Variants in MORN1 observed in about 807,000 individuals in gnomAD.
MORN1 encodes MORN repeat containing 1.
A neutral mutation model predicts 61.9 loss-of-function variants in MORN1; 67 were observed. The ratio of observed to expected loss-of-function variants is 1.08; its 90% CI spans 0.89 to 1.33. The LOEUF is 1.33. Among genes scored for constraint, MORN1 ranks in the 40% most tolerant of loss-of-function variants. The probability of loss-of-function intolerance (pLI) is 0.00; values close to 1 mark genes in which losing one functional copy is unlikely to be tolerated. For synonymous variants in MORN1, 301 were observed against 292.0 expected (o/e 1.03, Z -0.31); for missense variants, 752 against 691.2 (o/e 1.09, Z -0.99).
At chr1:2,354,494 G>A (rs1467204053) in intron 10 of MORN1, among the ~76,000 whole-genome samples, 2 of 152,162 alleles carry the variant, frequency 1.3e-5, no homozygotes, top group African/African-American at 4.8e-5. Flanking sequence ...CTGAGCCCGG[G>A]AGGTGGAGGC....
intron 13 of MORN1, 89 bp downstream of exon 13, chr1:2,324,007 TC>T: frequency 6.7e-7 from 1 of 1,482,298 alleles, no homozygotes; most frequent in South Asian, 1.3e-5. Flanking sequence ...CGGGCCGAGT[TC>T]CCCCAACCCC....
intron 10 of MORN1, among the ~76,000 whole-genome samples, chr1:2,343,074 C>A (rs1301468868): frequency 6.6e-6 from 1 of 151,998 alleles, no homozygotes; most frequent in Admixed American, 6.6e-5. Context: ...GCGCTTGACC[C>A]TAAGCCTCCA....
intron 8 of MORN1, among the ~76,000 whole-genome samples, chr1:2,370,243 C>T (rs546104032): frequency 9.3e-4 from 141 of 152,174 alleles, no homozygotes; most frequent in Non-Finnish European, 1.5e-3. Context: ...AACTCAACGG[C>T]AAAAGGACGG....
chr1:2,332,556 G>A (rs1260191201), intron 12 of MORN1: 1 of 455,704 alleles, frequency 2.2e-6, no homozygotes, highest in Non-Finnish European at 4.4e-6. Context: ...TGGGGGAATG[G>A]GCAGTGCTGT....
chr1:2,385,628 G>A (rs943227104), intron 5 of MORN1, 179 bp downstream of exon 5: 14 of 530,160 alleles, frequency 2.6e-5, no homozygotes, highest in South Asian at 7.2e-5. Flanking sequence ...GAATAACACC[G>A]AAACCACAGA....
chr1:2,344,718 G>A (rs1641471568), intron 10 of MORN1, among the ~76,000 whole-genome samples: 1 of 152,208 alleles, frequency 6.6e-6, no homozygotes, highest in Admixed American at 6.5e-5. Flanking sequence ...AAGGGAAAGG[G>A]GGAGCGCTGT....
intron 7 of MORN1, among the ~76,000 whole-genome samples, chr1:2,373,106 G>A (rs926160361): frequency 1.6e-4 from 24 of 152,162 alleles, no homozygotes; most frequent in African/African-American, 5.3e-4. Flanking sequence ...GGGTGGTGTC[G>A]TCACACCGCA....
At chr1:2,342,591 G>A (rs1641418718) in intron 10 of MORN1, among the ~76,000 whole-genome samples, 1 of 152,030 alleles carries the variant, frequency 6.6e-6, no homozygotes, top group Non-Finnish European at 1.5e-5. Flanking sequence ...AGACACATGG[G>A]GGGCCTCTCG....
chr1:2,323,363 C>G lies in MORN1; in HGVS notation c.1297+734G>C, dbSNP rs756218681. 2.9e-5 allele frequency: 29 copies of G among 985,448 alleles called. No individual in the cohort carries two copies. The African/African-American group carries it at 4.2e-4, about 14-fold the overall frequency. The allele number at this position is 985,448 out of a possible 1,614,324, so 61.0% of individuals were successfully genotyped here. A position where few individuals can be genotyped will look rare whatever the true frequency, so the allele number is the denominator to read the frequency against. On this transcript the variant is annotated intron_variant, in intron 13 of 13. Transcript: ENST00000378531. ...TGAGCAGCGGGTCCAGACCTTCCAG[C>G]CTTTGGCTCTCCAGCCAGAACCCCA...
At chr1:2,348,790 C>T (rs113055934) in intron 10 of MORN1, among the ~76,000 whole-genome samples, 4 of 141,446 alleles carry the variant, frequency 2.8e-5, no homozygotes, top group Admixed American at 6.9e-5. Flanking sequence ...CACACACGCA[C>T]GCACACGCAC....
At chr1:2,374,057 C>G (rs1241486189) in intron 7 of MORN1, among the ~76,000 whole-genome samples, 1 of 152,198 alleles carries the variant, frequency 6.6e-6, no homozygotes, top group Non-Finnish European at 1.5e-5. Flanking sequence ...CACCCAGAGG[C>G]CACCAGGAAC....
chr1:2,324,147 T>C lies in MORN1; in HGVS notation c.1251-4A>G, dbSNP rs1447064899. The C allele has an allele frequency of 6.3e-7, 1 of 1,596,578 alleles. No homozygotes were observed. On this transcript the variant is annotated splice_region_variant and splice_polypyrimidine_tract_variant and intron_variant, in intron 12 of 13. Coordinates refer to ENST00000378531, the MANE Select transcript of MORN1 (RefSeq NM_024848.3). ...CTCCGTGGCTCTCCCCTCAGGCCTG[T>C]GGAGACGACACAGTGAGGCCCCTGA... is the stretch of plus-strand genomic sequence containing the variant.
At chr1:2,363,921 A>G (rs1341703585) in intron 8 of MORN1, among the ~76,000 whole-genome samples, 1 of 151,974 alleles carries the variant, frequency 6.6e-6, no homozygotes, top group East Asian at 1.9e-4. Context: ...GCTGGGGCAA[A>G]TTAAAAAATA....
At chr1:2,335,308 TA>T (rs1404123412) in intron 12 of MORN1, among the ~76,000 whole-genome samples, 5 of 152,094 alleles carry the variant, frequency 3.3e-5, no homozygotes, top group Admixed American at 1.3e-4. Flanking sequence ...GCTATTTCCA[TA>T]CCCGCCCCAC....
chr1:2,343,258 G>A (rs1569951288), intron 10 of MORN1, among the ~76,000 whole-genome samples: 1 of 152,238 alleles, frequency 6.6e-6, no homozygotes. Flanking sequence ...TGCTGGTAAA[G>A]CTGCCAAGAC....
At chr1:2,328,152 C>G (rs896664080) in intron 12 of MORN1, among the ~76,000 whole-genome samples, 1 of 152,280 alleles carries the variant, frequency 6.6e-6, no homozygotes, top group Admixed American at 6.5e-5. Flanking sequence ...TGTCCTCAGT[C>G]TTCCAGTCCA....
intron 10 of MORN1, among the ~76,000 whole-genome samples, chr1:2,353,997 T>C (rs1488522492): frequency 6.6e-6 from 1 of 152,200 alleles, no homozygotes; most frequent in East Asian, 1.9e-4. Context: ...AGATAAAGAC[T>C]AAAGAGGCCG....
intron 4 of MORN1, 66 bp downstream of exon 4, chr1:2,387,353 G>T: frequency 8.3e-7 from 1 of 1,198,026 alleles, no homozygotes; most frequent in Non-Finnish European, 1.2e-6. Flanking sequence ...GAACCCAAGT[G>T]GACGTAGGAT....
intron 10 of MORN1, among the ~76,000 whole-genome samples, chr1:2,343,910 G>T (rs1306833823): frequency 6.6e-6 from 1 of 152,040 alleles, no homozygotes; most frequent in African/African-American, 2.4e-5. Context: ...ATGTCTGCTG[G>T]GCGGGATTCC....
Sources: allele counts gnomAD v4.1 joint callset (sites outside exome capture counted in the v4.1 genomes callset), GRCh38; gene constraint gnomAD v4.1.1; transcripts MANE v1.5; gene names NCBI Gene and HGNC (gene_info 2026-07-23, HGNC 2026-07-21).